ACBD5: variants seen among roughly 807,000 people sequenced by gnomAD.
ACBD5 encodes the protein acyl-CoA-binding domain-containing protein 5.
ACBD5 carries 40 observed loss-of-function variants against 71.8 expected under a neutral mutation model. That is an observed-to-expected ratio of 0.56 (90% confidence interval 0.43 to 0.72). The LOEUF is 0.72. Ranked by LOEUF, ACBD5 falls within the 30% of genes least tolerant of loss-of-function variation. ACBD5 has a pLI of 0.00. For synonymous variants in ACBD5, 229 were observed against 218.6 expected (o/e 1.05, Z -0.42); for missense variants, 559 against 644.5 (o/e 0.87, Z 1.44).
chr10:27,221,488 TA>T (rs1219523726), intron 5 of ACBD5, among the ~76,000 whole-genome samples: 1 of 152,338 alleles, frequency 6.6e-6, no homozygotes, highest in East Asian at 1.9e-4. Flanking sequence ...TTATTACTAT[TA>T]TTTACTCTTC....
At chr10:27,240,890 C>T (rs991383949), upstream of ACBD5, 7 of 717,688 alleles carry the variant, frequency 9.8e-6, no homozygotes, top group African/African-American at 1.1e-4. The surrounding 1 kb of genome is among the most constrained non-coding windows in gnomAD (Gnocchi z 4.1). Context: ...GCAAACCCCA[C>T]CCACCCGACC....
chr10:27,222,481 C>A (rs186929066), intron 5 of ACBD5, among the ~76,000 whole-genome samples: 170 of 151,260 alleles, frequency 1.1e-3, no homozygotes, highest in Middle Eastern at 3.5e-3. Context: ...AAAAAGAAAA[C>A]AAGCTAAATG....
intron 5 of ACBD5, among the ~76,000 whole-genome samples, 172 bp from the exon 6 acceptor site, chr10:27,220,029 C>G (rs1193235072): frequency 2.0e-5 from 3 of 151,984 alleles, no homozygotes; most frequent in African/African-American, 7.2e-5. Context: ...TATTACAAGA[C>G]AAATTCCTTC....
rs762695509 is a variant in ACBD5, at chr10:27,204,529, G to A, written c.1476C>T (p.Phe492=). ...PTSQRPSWWP[F]EMSPGVLTFA... is the part of the protein sequence containing the mutation. ...ACGTTAGCACACCAGGAGACATCTC[G>A]AAGGGCCACCAAGATGGTCTCTGAG... The change falls in exon 12 of 13, where the codon TTC becomes TTT. Residue 492 remains phenylalanine (F), a synonymous_variant. Coordinates refer to ENST00000396271, the MANE Select transcript of ACBD5 (RefSeq NM_145698.5). 16 of 1,613,756 alleles carry A rather than the reference G, an allele frequency of 9.9e-6. No homozygotes were observed. In the African/African-American group the frequency reaches 1.3e-4, roughly 13 times the overall value.
At chr10:27,228,169 T>G (rs983025446) in intron 4 of ACBD5, among the ~76,000 whole-genome samples, 1 of 151,804 alleles carries the variant, frequency 6.6e-6, no homozygotes, top group Admixed American at 6.6e-5. Flanking sequence ...GTAGCCAGGG[T>G]TTAGTACACC....
At chr10:27,198,547 T>C (rs1025316132) in intron 12 of ACBD5, among the ~76,000 whole-genome samples, 2 of 152,170 alleles carry the variant, frequency 1.3e-5, no homozygotes, top group African/African-American at 2.4e-5. Context: ...AATCCTCTTA[T>C]GTACACCTCC....
Position 27,215,523 on chromosome 10 carries a change from T to C in ACBD5, c.936+12A>G, listed in dbSNP as rs2061526924. On this transcript the variant is annotated intron_variant, in intron 8 of 12. Coordinates refer to ENST00000396271, the MANE Select transcript of ACBD5 (RefSeq NM_145698.5). ...CTTTGAAAATACACCAATCAGAAAATGTCATTTTTACCTCTTCTTGTCCAA... is the reference window on the plus strand; with the variant it reads ...CTTTGAAAATACACCAATCAGAAAACGTCATTTTTACCTCTTCTTGTCCAA... 1 of 1,578,682 alleles carries C rather than the reference T, an allele frequency of 6.3e-7. No homozygotes were observed. The highest frequency in any genetic ancestry group is 8.7e-7 in the Non-Finnish European group (1 of 1,149,436).
At position 27,204,524 on chromosome 10, in the gene ACBD5, A is replaced by C; in HGVS notation, c.1481T>G (p.Met494Arg). The change falls in exon 12 of 13, where the codon ATG (methionine) becomes AGG (arginine). Residue 494 changes from methionine (M) to arginine (R), a missense_variant. Physicochemically the swap from Met to Arg is moderately conservative, Grantham distance 91. Coordinates refer to ENST00000396271, the MANE Select transcript of ACBD5 (RefSeq NM_145698.5). ...GGCAAACGTTAGCACACCAGGAGAC[A>C]TCTCGAAGGGCCACCAAGATGGTCT... The part of the protein sequence containing the change: ...SQRPSWWPFE[M>R]SPGVLTFAII... The C allele has an allele frequency of 6.2e-7, 1 of 1,614,102 alleles. No homozygotes were observed. The highest frequency in any genetic ancestry group is 8.5e-7 in the Non-Finnish European group (1 of 1,179,960).
chr10:27,215,497 A>G, intron 8 of ACBD5, 38 bp downstream of exon 8: 1 of 1,419,866 alleles, frequency 7.0e-7, no homozygotes, highest in Non-Finnish European at 9.9e-7. Flanking sequence ...CTAATACACC[A>G]CTTTGAAAAT....
chr10:27,205,251 G>A lies in ACBD5; in HGVS notation c.1405-3C>T, dbSNP rs758707664. On this transcript the variant is annotated splice_region_variant and splice_polypyrimidine_tract_variant and intron_variant, in intron 10 of 12. Transcript: ENST00000396271. ...AATGTTGATGTTGATGATTTTGCCT[G>A]TAAATGCAAATGAAGGTGACTTAGC... The A allele has an allele frequency of 6.2e-7, 1 of 1,612,194 alleles. No individual in the cohort carries two copies. Among genetic ancestry groups the A allele is most frequent in the Admixed American group, 1.7e-5 (1 of 59,984 alleles).
At chr10:27,241,639 G>A (rs1371346550), upstream of ACBD5, among the ~76,000 whole-genome samples, 1 of 150,512 alleles carries the variant, frequency 6.6e-6, no homozygotes, top group East Asian at 2.0e-4. Context: ...AGGTCGAGTG[G>A]GGAGGATTGC....
intron 13 of ACBD5, chr10:27,186,774 T>A (rs2058782007): frequency 9.9e-6 from 5 of 504,074 alleles, no homozygotes; most frequent in Non-Finnish European, 1.8e-5. Context: ...TTATTTATTT[T>A]GTTTATTGCA....
At chr10:27,201,814 C>G (rs1404191097) in intron 12 of ACBD5, among the ~76,000 whole-genome samples, 1 of 152,152 alleles carries the variant, frequency 6.6e-6, no homozygotes, top group Non-Finnish European at 1.5e-5. Context: ...TAGGACTACC[C>G]TATATCTATC....
rs756783249 is a variant in ACBD5, at chr10:27,189,044, TCTC to T, written c.1494-6332_1494-6330del. The stretch of plus-strand genomic sequence containing the variant: ...TTCTGCCCAAAGGCAGGATATAACT[TCTC>T]CTTTGCTGGAGACAATTCTAGAGTC... On this transcript the variant is annotated intron_variant, in intron 13 of 13. Transcript: ENST00000676511. Among the ~76,000 whole-genome samples, 18 of 152,242 alleles carry T rather than the reference TCTC, an allele frequency of 1.2e-4. No homozygotes were observed. In the East Asian group the frequency reaches 3.3e-3, roughly 28 times the overall value.
intron 12 of ACBD5, among the ~76,000 whole-genome samples, 185 bp downstream of exon 12, chr10:27,204,255 C>CTA (rs771506562): frequency 1.2e-4 from 17 of 146,336 alleles, no homozygotes; most frequent in Non-Finnish European, 2.2e-4. Flanking sequence ...TTAAGTCTAA[C>CTA]AAGTACCTAG....
At chr10:27,212,513 C>G (rs1357232873) in intron 8 of ACBD5, among the ~76,000 whole-genome samples, 1 of 151,278 alleles carries the variant, frequency 6.6e-6, no homozygotes, top group Non-Finnish European at 1.5e-5. Context: ...TCATCCTTTT[C>G]ATTTTTCACT....
Position 27,204,307 on chromosome 10 carries a change from G to T in ACBD5, c.1565+133C>A, listed in dbSNP as rs943412233. On this transcript the variant is annotated intron_variant, in intron 12 of 12. Coordinates refer to ENST00000396271, the MANE Select transcript of ACBD5 (RefSeq NM_145698.5). Reference sequence around the variant, plus strand: ...ATTTCCAAGGCAGTTTCAGTCTCAGGATAAATATAGAATGTTCACTATGAC... The same window carrying T: ...ATTTCCAAGGCAGTTTCAGTCTCAGTATAAATATAGAATGTTCACTATGAC... 1.1e-5 allele frequency: 8 copies of T among 696,658 alleles called. No individual in the cohort carries two copies. The African/African-American group carries it at 1.4e-4, about 12-fold the overall frequency. The allele number at this position is 696,658 out of a possible 1,614,324, so 43.2% of individuals were successfully genotyped here. A position where few individuals can be genotyped will look rare whatever the true frequency, so the allele number is the denominator to read the frequency against.
At chr10:27,210,500 G>A (rs1259297997) in intron 9 of ACBD5, among the ~76,000 whole-genome samples, 1 of 152,218 alleles carries the variant, frequency 6.6e-6, no homozygotes, top group Non-Finnish European at 1.5e-5. Context: ...GCTCACGCCT[G>A]TAATCCCAGC....
intron 4 of ACBD5, among the ~76,000 whole-genome samples, chr10:27,226,956 T>A (rs887034431): frequency 2.7e-5 from 4 of 150,532 alleles, no homozygotes; most frequent in Non-Finnish European, 5.9e-5. Flanking sequence ...TGTGAGCCAC[T>A]GCGCCTGGCC....
Sources: gnomAD v4.1 joint callset for allele counts (sites outside exome capture counted in the v4.1 genomes callset) on GRCh38, gnomAD v4.1.1 for gene constraint, Gnocchi (gnomAD v3.1) non-coding constraint, MANE v1.5 for transcripts, NCBI Gene and HGNC (gene_info 2026-07-23, HGNC 2026-07-21) for gene names.